RTL4: variants seen among roughly 807,000 people sequenced by gnomAD.
RTL4 encodes retrotransposon Gag like 4, also known as retrotransposon Gag-like protein 4.
A neutral mutation model predicts 5.3 loss-of-function variants in RTL4; 4 were observed. The ratio of observed to expected loss-of-function variants is 0.75; its 90% CI spans 0.37 to 1.72. The LOEUF is 1.72. Ranked by LOEUF, RTL4 falls within the 40% of genes most tolerant of loss-of-function variation. The pLI is 0.04. For missense variants in RTL4, 260 were observed against 227.1 expected, an observed-to-expected ratio of 1.14 and a Z score of -0.93; for synonymous variants, 98 against 87.3, an observed-to-expected ratio of 1.12 and a Z score of -0.68.
At chrX:112,335,225 G>C in the RTL4 span, among the ~76,000 whole-genome samples, 12 of 111,515 alleles carry the variant, frequency 1.1e-4, no homozygotes, top group Admixed American at 1.2e-3. Flanking sequence ...ATTTTGGAAA[G>C]GTTTTCAATA....
At chrX:112,183,416 A>G in the RTL4 span, among the ~76,000 whole-genome samples, 1 of 111,940 alleles carries the variant, frequency 8.9e-6, no homozygotes, top group Non-Finnish European at 1.9e-5. Flanking sequence ...ATTCAGGAGA[A>G]CGATCTCGTG....
chrX:112,399,179 A>G, the RTL4 span, among the ~76,000 whole-genome samples: 2 of 111,862 alleles, frequency 1.8e-5, no homozygotes, highest in African/African-American at 6.5e-5. Flanking sequence ...TTGATTGTGT[A>G]AGTCTCTGCT....
the RTL4 span, among the ~76,000 whole-genome samples, chrX:112,185,731 T>C: frequency 9.1e-6 from 1 of 109,326 alleles, no homozygotes; most frequent in African/African-American, 3.3e-5. Context: ...TTGTTTGACA[T>C]TGGGCAAGTT....
the RTL4 span, among the ~76,000 whole-genome samples, chrX:112,414,925 G>A: frequency 9.0e-6 from 1 of 110,997 alleles, no homozygotes; most frequent in African/African-American, 3.3e-5. Flanking sequence ...ATTATACCAT[G>A]CCTCCCCTGT....
At chrX:112,431,213 A>C in the RTL4 span, among the ~76,000 whole-genome samples, 1 of 109,485 alleles carries the variant, frequency 9.1e-6, no homozygotes, top group Non-Finnish European at 1.9e-5. Flanking sequence ...TTCATCCAGG[A>C]AGATTAGGCT....
the RTL4 span, among the ~76,000 whole-genome samples, chrX:112,168,947 C>G: frequency 3.0e-5 from 3 of 100,809 alleles, no homozygotes; most frequent in African/African-American, 7.2e-5. Context: ...CTTTTTCTTT[C>G]TTTCTTTCTT....
At chrX:112,116,473 G>A in the RTL4 span, among the ~76,000 whole-genome samples, 1 of 111,171 alleles carries the variant, frequency 9.0e-6, no homozygotes, top group Admixed American at 9.5e-5. Context: ...ACTACTCGCT[G>A]GGGTGACCAG....
the RTL4 span, among the ~76,000 whole-genome samples, chrX:112,257,660 C>A: frequency 1.8e-5 from 2 of 109,507 alleles, no homozygotes; most frequent in Non-Finnish European, 3.8e-5. Flanking sequence ...ATGGTACTTA[C>A]CCATTCACAA....
the RTL4 span, among the ~76,000 whole-genome samples, chrX:112,166,153 C>A: frequency 9.0e-6 from 1 of 111,663 alleles, no homozygotes; most frequent in Non-Finnish European, 1.9e-5. Context: ...TTTCAGAGAC[C>A]CCGTCCAGTG....
the RTL4 span, among the ~76,000 whole-genome samples, chrX:112,393,161 G>GTT: frequency 2.5e-3 from 176 of 71,288 alleles, no homozygotes; most frequent in African/African-American, 7.9e-3. Flanking sequence ...TTTTTTTTTT[G>GTT]TTTTTTTTTT....
chrX:112,247,964 A>G, the RTL4 span, among the ~76,000 whole-genome samples: 2 of 112,175 alleles, frequency 1.8e-5, no homozygotes, highest in Non-Finnish European at 3.8e-5. Flanking sequence ...TCTGTGACCA[A>G]TTCTGCTGCA....
exon 1 of RTL4, chrX:112,454,527 G>C: frequency 5.3e-6 from 2 of 379,441 alleles, no homozygotes; most frequent in Non-Finnish European, 9.1e-6. Flanking sequence ...TGAAGAAGAG[G>C]CAACATTGAG....
At chrX:112,232,526 CA>C in the RTL4 span, among the ~76,000 whole-genome samples, 1 of 111,859 alleles carries the variant, frequency 8.9e-6, no homozygotes, top group Non-Finnish European at 1.9e-5. Flanking sequence ...TTGACTGACC[CA>C]AACAGAATTA....
the RTL4 span, among the ~76,000 whole-genome samples, chrX:112,261,085 A>T: frequency 4.5e-5 from 5 of 111,864 alleles, no homozygotes; most frequent in South Asian, 1.8e-3. Flanking sequence ...TACATTAGGG[A>T]CTGTGTAAAG....
chrX:112,084,157 G>T, the RTL4 span, among the ~76,000 whole-genome samples: 22 of 111,046 alleles, frequency 2.0e-4, no homozygotes, highest in African/African-American at 7.2e-4. Flanking sequence ...CTAAATGGCC[G>T]AGTGTTTTCA....
the RTL4 span, among the ~76,000 whole-genome samples, chrX:112,299,031 T>C: frequency 8.9e-6 from 1 of 112,312 alleles, no homozygotes; most frequent in East Asian, 2.8e-4. Context: ...TTGCCAATCA[T>C]AGGTCATTCA....
At chrX:112,118,280 G>A in the RTL4 span, among the ~76,000 whole-genome samples, 1 of 111,959 alleles carries the variant, frequency 8.9e-6, no homozygotes, top group African/African-American at 3.2e-5. Flanking sequence ...CAATATGTTG[G>A]GTTGATGTTG....
At chrX:112,238,694 T>G in the RTL4 span, among the ~76,000 whole-genome samples, 1 of 111,090 alleles carries the variant, frequency 9.0e-6, no homozygotes, top group Non-Finnish European at 1.9e-5. Context: ...GATTTTTTAT[T>G]TTTTTTTACC....
chrX:112,396,898 C>T, the RTL4 span, among the ~76,000 whole-genome samples: 1 of 111,105 alleles, frequency 9.0e-6, no homozygotes, highest in Admixed American at 9.6e-5. Context: ...TGTAGCATGC[C>T]CCTTCTTGGG....
Sources: gnomAD v4.1 joint callset for allele counts (sites outside exome capture counted in the v4.1 genomes callset) on GRCh38, gnomAD v4.1.1 for gene constraint, MANE v1.5 for transcripts, NCBI Gene and HGNC (gene_info 2026-07-23, HGNC 2026-07-21) for gene names.